The following KIF15 variants were observed in gnomAD, a reference collection of about 807,000 sequenced individuals.
The protein encoded by KIF15 is kinesin family member 15.
KIF15 carries 140 observed loss-of-function variants against 190.6 expected under a neutral mutation model. That is an observed-to-expected ratio of 0.73 (90% CI 0.64 to 0.84). KIF15 has a LOEUF of 0.84. Ranked by LOEUF, KIF15 falls within the 40% of genes least tolerant of loss-of-function variation. The pLI, the probability that KIF15 is intolerant of heterozygous loss-of-function variation, is 0.00. For missense variants in KIF15, 1,372 were observed against 1,584.4 expected, an observed-to-expected ratio of 0.87 and a Z score of 2.28; for synonymous variants, 528 against 551.3, an observed-to-expected ratio of 0.96 and a Z score of 0.59.
chr3:44,814,805 A>C (rs1707952465), intron 19 of KIF15, 106 bp from the exon 20 acceptor site: 1 of 831,750 alleles, frequency 1.2e-6, no homozygotes. Flanking sequence ...TTTTTCCTTA[A>C]AATAGTCTCT....
intron 5 of KIF15, 22 bp from the exon 6 acceptor site, chr3:44,784,823 G>A (rs201308026): frequency 9.1e-7 from 1 of 1,100,566 alleles, no homozygotes; most frequent in Non-Finnish European, 1.3e-6. Flanking sequence ...AAAATCCAGT[G>A]TTTTTTTTTT....
Position 44,823,423 on chromosome 3 carries a change from C to T in KIF15, c.2550-2616C>T, listed in dbSNP as rs549168929. 2.0e-5 allele frequency among the ~76,000 whole-genome samples: 3 copies of T among 152,284 alleles called. No individual in the cohort carries two copies. The South Asian group carries it at 6.2e-4, about 32-fold the overall frequency. Reference sequence around the variant, plus strand: ...GCACCCACCTGTATGAGGTGTCAGTCGGCCCCTACTGGGAGGTTTATCCCA... The same window carrying T: ...GCACCCACCTGTATGAGGTGTCAGTTGGCCCCTACTGGGAGGTTTATCCCA... On this transcript the variant is annotated intron_variant, in intron 20 of 34. Transcript: ENST00000326047.
chr3:44,776,412 A>G (rs2125904978), intron 3 of KIF15, among the ~76,000 whole-genome samples: 2 of 150,090 alleles, frequency 1.3e-5, no homozygotes, highest in African/African-American at 4.9e-5. Context: ...ACAGAGCAAG[A>G]CTCTATCTCT....
intron 8 of KIF15, among the ~76,000 whole-genome samples, chr3:44,794,975 T>C (rs998414666): frequency 1.3e-5 from 2 of 151,936 alleles, no homozygotes; most frequent in South Asian, 2.1e-4. Flanking sequence ...AAAAAAAATG[T>C]ATCCGTGTTG....
intron 30 of KIF15, among the ~76,000 whole-genome samples, chr3:44,844,432 A>G (rs1333890149): frequency 6.6e-6 from 1 of 152,172 alleles, no homozygotes; most frequent in African/African-American, 2.4e-5. Context: ...CCTAGTTTTC[A>G]TATGCTCCAT....
chr3:44,848,932 G>A (rs2125729155), intron 32 of KIF15, among the ~76,000 whole-genome samples: 1 of 152,232 alleles, frequency 6.6e-6, no homozygotes, highest in East Asian at 1.9e-4. Context: ...ATTTCTTCTG[G>A]TCTAGCCCTT....
At chr3:44,816,600 A>T (rs764624356) in intron 20 of KIF15, among the ~76,000 whole-genome samples, 2 of 152,138 alleles carry the variant, frequency 1.3e-5, no homozygotes, top group African/African-American at 2.4e-5. Flanking sequence ...ATAGTATTCC[A>T]TGTGTATATG....
intron 6 of KIF15, chr3:44,863,951 G>A (rs1699292097): frequency 1.9e-6 from 1 of 520,702 alleles, no homozygotes; most frequent in African/African-American, 1.9e-5. Flanking sequence ...TTCTTCCCAA[G>A]ATCATATGGC....
intron 24 of KIF15, 101 bp downstream of exon 24, chr3:44,828,401 T>C (rs2125692459): frequency 1.3e-6 from 1 of 746,198 alleles, no homozygotes; most frequent in Non-Finnish European, 2.3e-6. Flanking sequence ...GGGTGACCAA[T>C]AGATAATATG....
intron 8 of KIF15, among the ~76,000 whole-genome samples, chr3:44,795,890 TCTCA>T (rs1706952995): frequency 6.6e-6 from 1 of 152,094 alleles, no homozygotes; most frequent in Admixed American, 6.6e-5. Context: ...TTTGAGACAG[TCTCA>T]CTCTGTCACC....
At chr3:44,780,832 GAGT>G (rs923136969) in intron 4 of KIF15, 50 bp from the exon 5 acceptor site, 3 of 1,165,560 alleles carry the variant, frequency 2.6e-6, no homozygotes, top group Admixed American at 2.0e-5. Context: ...ATAATAGGAG[GAGT>G]AGTCTTTTAA....
intron 7 of KIF15, among the ~76,000 whole-genome samples, chr3:44,787,535 G>A (rs1463849091): frequency 6.6e-6 from 1 of 151,986 alleles, no homozygotes; most frequent in Non-Finnish European, 1.5e-5. Flanking sequence ...GACTCCCCCC[G>A]GCGAGAGATA....
At chr3:44,853,548 A>G (rs904298136), downstream of KIF15, among the ~76,000 whole-genome samples, 12 of 152,236 alleles carry the variant, frequency 7.9e-5, no homozygotes, top group Admixed American at 6.5e-5. Context: ...TATATTTCAT[A>G]TCTCTTGAGC....
chr3:44,838,331 A>G lies in KIF15; in HGVS notation c.3228A>G (p.Thr1076=). The part of the protein sequence containing the change: ...AHATEQLNML[T]EASKKHSGLL... ...CCACTGAGCAGCTGAACATGCTCAC[A>G]GAGGCCTCAAAAAAACACTCGGGGC... is the stretch of plus-strand genomic sequence containing the variant. Residue 1076 remains threonine (T), a synonymous_variant, in exon 27 of 35, where the codon ACA becomes ACG. Coordinates refer to ENST00000326047, the MANE Select transcript of KIF15 (RefSeq NM_020242.3). 6.2e-7 allele frequency: 1 copy of G among 1,613,968 alleles called. No homozygotes were observed. The highest frequency in any genetic ancestry group is 8.5e-7 in the Non-Finnish European group (1 of 1,179,866).
chr3:44,857,912 G>C (rs1699204291), downstream of KIF15, among the ~76,000 whole-genome samples: 1 of 152,218 alleles, frequency 6.6e-6, no homozygotes, highest in South Asian at 2.1e-4. Flanking sequence ...AGGGTGTCCT[G>C]TTGAGAAGAT....
intron 6 of KIF15, among the ~76,000 whole-genome samples, chr3:44,866,507 C>T (rs983150320): frequency 1.1e-4 from 16 of 152,178 alleles, no homozygotes; most frequent in African/African-American, 3.9e-4. Flanking sequence ...CTGGGGTGTC[C>T]GAGGGCCCTC....
At chr3:44,852,008 T>A in intron 33 of KIF15, 56 bp downstream of exon 33, 1 of 1,548,046 alleles carries the variant, frequency 6.5e-7, no homozygotes, top group South Asian at 1.2e-5. Flanking sequence ...TGAATAGAAC[T>A]AATTAGCGTA....
intron 6 of KIF15, chr3:44,862,922 G>A (rs372497940): frequency 6.6e-6 from 1 of 151,856 alleles, no homozygotes; most frequent in East Asian, 1.9e-4. Flanking sequence ...GTAAGTGGTC[G>A]AAAGTAAAAT....
chr3:44,837,471 C>T (rs1240974053), intron 26 of KIF15, among the ~76,000 whole-genome samples: 2 of 151,998 alleles, frequency 1.3e-5, no homozygotes, highest in South Asian at 2.1e-4. Flanking sequence ...AAATGGAGTC[C>T]ACACAGTGAA....
Sources: gnomAD v4.1 joint callset for allele counts (sites outside exome capture counted in the v4.1 genomes callset) on GRCh38, gnomAD v4.1.1 for gene constraint, MANE v1.5 for transcripts, NCBI Gene and HGNC (gene_info 2026-07-23, HGNC 2026-07-21) for gene names.